The following BLOC1S5 variants were observed in gnomAD, a reference collection of about 807,000 sequenced individuals.
The protein encoded by BLOC1S5 is biogenesis of lysosomal organelles complex 1 subunit 5, also known as biogenesis of lysosome-related organelles complex 1 subunit 5.
A neutral mutation model predicts 24.3 loss-of-function variants in BLOC1S5; 27 were observed. That is an observed-to-expected ratio of 1.11 (90% CI 0.82 to 1.53). The LOEUF (loss-of-function observed/expected upper bound fraction) is 1.53, where lower values mean the gene tolerates loss of function less well. Ranked by LOEUF, BLOC1S5 falls within the 40% of genes most tolerant of loss-of-function variation. The pLI, the probability that BLOC1S5 is intolerant of heterozygous loss-of-function variation, is 0.00. For synonymous variants in BLOC1S5, 84 were observed against 74.5 expected, an observed-to-expected ratio of 1.13 and a Z score of -0.66; for missense variants, 239 against 229.4, an observed-to-expected ratio of 1.04 and a Z score of -0.27.
intron 2 of BLOC1S5, among the ~76,000 whole-genome samples, chr6:8,059,881 T>C (rs577184943): frequency 5.9e-5 from 9 of 152,320 alleles, no homozygotes; most frequent in Non-Finnish European, 8.8e-5. Flanking sequence ...CATTCTTCAA[T>C]AATAAAGACC....
chr6:8,034,573 A>G (rs1045694671), intron 3 of BLOC1S5, among the ~76,000 whole-genome samples: 5 of 152,190 alleles, frequency 3.3e-5, no homozygotes, highest in African/African-American at 1.2e-4. Context: ...ATATATACCT[A>G]TGTATCAAAC....
chr6:8,016,098 G>C (rs981939001), intron 4 of BLOC1S5, among the ~76,000 whole-genome samples: 1 of 152,220 alleles, frequency 6.6e-6, no homozygotes, highest in African/African-American at 2.4e-5. Flanking sequence ...GGCCGAAGCC[G>C]GTGGATCACC....
In BLOC1S5 at chr6:8,013,665, A is replaced by C. The variant is rs1275094338; in HGVS notation, c.*1984T>G. ...CCACAGTTAAGAATATATTCCCTTC[A>C]CACACACAATCTTAATTTCTTGGTT... On this transcript the variant is annotated 3_prime_UTR_variant, in exon 5 of 5. Coordinates refer to ENST00000397457, the MANE Select transcript of BLOC1S5 (RefSeq NM_201280.3). 3 of 152,220 alleles carry C rather than the reference A, an allele frequency of 2.0e-5. No homozygotes were observed. The highest frequency in any genetic ancestry group is 4.4e-5 in the Non-Finnish European group (3 of 68,046). The allele number at this position is 152,220 out of a possible 1,614,324, so 9.4% of individuals were successfully genotyped here.
intron 2 of BLOC1S5, among the ~76,000 whole-genome samples, chr6:8,052,811 C>A (rs1207179721): frequency 6.6e-6 from 1 of 151,296 alleles, no homozygotes; most frequent in Non-Finnish European, 1.5e-5. Context: ...AGGAGAACGG[C>A]GTGAGCCCAG....
intron 4 of BLOC1S5, among the ~76,000 whole-genome samples, chr6:8,025,027 A>G (rs1763060274): frequency 6.6e-6 from 1 of 152,228 alleles, no homozygotes; most frequent in South Asian, 2.1e-4. Context: ...CAAAGTGACA[A>G]GAGAAACTCT....
intron 1 of BLOC1S5, among the ~76,000 whole-genome samples, chr6:8,063,704 A>C (rs1757339319): frequency 6.6e-6 from 1 of 152,224 alleles, no homozygotes; most frequent in African/African-American, 2.4e-5. Flanking sequence ...TTAGGAGTCA[A>C]ACCTAAAGCA....
chr6:8,038,109 G>T (rs1247399449), intron 3 of BLOC1S5, among the ~76,000 whole-genome samples: 4 of 152,150 alleles, frequency 2.6e-5, no homozygotes, highest in Non-Finnish European at 5.9e-5. Flanking sequence ...ACTTTTTTCT[G>T]TAAGACCTCA....
chr6:8,033,057 G>A (rs909689906), intron 3 of BLOC1S5, among the ~76,000 whole-genome samples: 1 of 152,094 alleles, frequency 6.6e-6, no homozygotes, highest in Non-Finnish European at 1.5e-5. Context: ...ACTGCCCAAG[G>A]TAATTTATAG....
intron 2 of BLOC1S5, chr6:8,054,126 G>T: frequency 3.1e-6 from 1 of 322,568 alleles, no homozygotes; most frequent in East Asian, 9.0e-5. Context: ...CTACTTATTA[G>T]CAATATTAAT....
chr6:8,027,645 C>T (rs1312524399), intron 3 of BLOC1S5, among the ~76,000 whole-genome samples: 1 of 152,092 alleles, frequency 6.6e-6, no homozygotes, highest in African/African-American at 2.4e-5. Context: ...ACTAGCCTGA[C>T]CAACATGGTG....
rs1484512894 is a variant in BLOC1S5, at chr6:8,037,469, T to C, written c.325+3670A>G. On this transcript the variant is annotated intron_variant, in intron 3 of 4. Transcript: ENST00000397457. ...AACTATAAAACTTTGATGAAAAAAA[T>C]TGAAGAGGGCACACAAAAATGGAAA... 4.6e-5 allele frequency among the ~76,000 whole-genome samples: 7 copies of C among 152,140 alleles called. No homozygotes were observed. The East Asian group carries it at 5.8e-4, about 13-fold the overall frequency.
intron 2 of BLOC1S5, among the ~76,000 whole-genome samples, chr6:8,049,542 T>C (rs1764035561): frequency 6.6e-6 from 1 of 152,260 alleles, no homozygotes; most frequent in African/African-American, 2.4e-5. Flanking sequence ...CAAAACTATA[T>C]CTGTAAAACA....
chr6:8,041,647 CTTTCTTTCTTTT>C (rs1345378287), intron 2 of BLOC1S5, among the ~76,000 whole-genome samples: 1 of 64,252 alleles, frequency 1.6e-5, no homozygotes, highest in Non-Finnish European at 3.3e-5. Flanking sequence ...TACTTTCTTT[CTTTCTTTCTTTT>C]TTTTTGAGAT....
intron 2 of BLOC1S5, among the ~76,000 whole-genome samples, chr6:8,056,890 A>T (rs1427901563): frequency 6.6e-6 from 1 of 152,246 alleles, no homozygotes; most frequent in Non-Finnish European, 1.5e-5. Context: ...TAGTAGCCAT[A>T]GCTCTCTAAC....
At chr6:8,041,015 C>A in intron 3 of BLOC1S5, 124 bp downstream of exon 3, 2 of 1,131,290 alleles carry the variant, frequency 1.8e-6, no homozygotes, top group South Asian at 3.5e-5. Context: ...CACTAGAAAA[C>A]CACTTTCTCT....
chr6:8,018,635 T>G (rs1367045446), intron 4 of BLOC1S5, among the ~76,000 whole-genome samples: 1 of 152,220 alleles, frequency 6.6e-6, no homozygotes, highest in Non-Finnish European at 1.5e-5. Context: ...TTAAAGTTTC[T>G]TTAACTTTAA....
chr6:8,026,695 A>G (rs1287616448), intron 3 of BLOC1S5, among the ~76,000 whole-genome samples: 1 of 152,162 alleles, frequency 6.6e-6, no homozygotes, highest in Non-Finnish European at 1.5e-5. Flanking sequence ...CCAATGACAG[A>G]TTGTCTACAG....
intron 2 of BLOC1S5, among the ~76,000 whole-genome samples, chr6:8,058,917 T>C (rs1446316075): frequency 1.3e-5 from 2 of 152,226 alleles, no homozygotes; most frequent in African/African-American, 4.8e-5. Context: ...CTGATATACA[T>C]AGGTATTCAA....
intron 3 of BLOC1S5, 55 bp downstream of exon 3, chr6:8,041,084 T>C: frequency 6.5e-7 from 1 of 1,530,566 alleles, no homozygotes; most frequent in Middle Eastern, 1.8e-4. Context: ...AAAATACATT[T>C]TGGTGTAGCA....
Sources: gnomAD v4.1 joint callset for allele counts (sites outside exome capture counted in the v4.1 genomes callset) on GRCh38, gnomAD v4.1.1 for gene constraint, MANE v1.5 for transcripts, NCBI Gene and HGNC (gene_info 2026-07-23, HGNC 2026-07-21) for gene names.